The following HMGA2 variants were observed in gnomAD, a reference collection of about 807,000 sequenced individuals.
The protein encoded by HMGA2 is high mobility group protein HMGI-C.
HMGA2 carries 8 observed loss-of-function variants against 19.1 expected under a neutral mutation model. The ratio of observed to expected loss-of-function variants is 0.42; its 90% confidence interval spans 0.25 to 0.76. The LOEUF (loss-of-function observed/expected upper bound fraction) is 0.76. Ranked by LOEUF, HMGA2 falls within the 30% of genes least tolerant of loss-of-function variation. The pLI is 0.28. For synonymous variants in HMGA2, 60 were observed against 48.8 expected, an observed-to-expected ratio of 1.23 and a Z score of -0.96; for missense variants, 109 against 136.3, an observed-to-expected ratio of 0.80 and a Z score of 1.00.
At chr12:65,898,513 C>T (rs1340664758) in intron 3 of HMGA2, among the ~76,000 whole-genome samples, 1 of 151,892 alleles carries the variant, frequency 6.6e-6, no homozygotes, top group Non-Finnish European at 1.5e-5. Flanking sequence ...TTTTTTTTTC[C>T]CAGTGAAGAA....
At position 65,942,551 on chromosome 12, in the gene HMGA2, G is replaced by T. The variant is rs1283221585; in HGVS notation, c.250-8832G>T. ...AATTTTCACTCCACTTTTTGACTAAGGGTGGATTTTTCCCCTAAAATCTTA... is the reference window on the plus strand; with the variant it reads ...AATTTTCACTCCACTTTTTGACTAATGGTGGATTTTTCCCCTAAAATCTTA... On this transcript the variant is annotated intron_variant, in intron 3 of 4. Transcript: ENST00000403681. 2 of 152,030 alleles carry T rather than the reference G, an allele frequency of 1.3e-5. 1 individual carries two copies. Among genetic ancestry groups the T allele is most frequent in the African/African-American group, 4.8e-5 (2 of 41,398 alleles). The allele number at this position is 152,030 out of a possible 1,614,324, so 9.4% of individuals were successfully genotyped here. A position where few individuals can be genotyped will look rare whatever the true frequency, so the allele number is the denominator to read the frequency against.
chr12:65,915,118 A>C (rs1288391000), intron 3 of HMGA2: 2 of 1,613,768 alleles, frequency 1.2e-6, no homozygotes, highest in South Asian at 2.2e-5. Flanking sequence ...ACAGTACCAA[A>C]AGGAGTCACT....
intron 3 of HMGA2, chr12:65,867,633 G>C: frequency 3.0e-6 from 1 of 332,604 alleles, no homozygotes. Context: ...TAAAAGTGGA[G>C]GATATGAGTC....
At chr12:65,842,854 G>A in intron 3 of HMGA2, 1 of 1,316,458 alleles carries the variant, frequency 7.6e-7, no homozygotes, top group Non-Finnish European at 9.7e-7. Context: ...AAAGTATTTG[G>A]AGAAAGTTTT....
At position 65,825,501 on chromosome 12, in the gene HMGA2, C is replaced by T. The variant is rs1244130958; in HGVS notation, c.111+120C>T. 2.5e-5 allele frequency: 13 copies of T among 519,852 alleles called. No individual in the cohort carries two copies. In the East Asian group the frequency reaches 5.6e-4, roughly 22 times the overall value. 32.2% of individuals were successfully genotyped at this position (519,852 alleles called of 1,614,324 possible). A position where few individuals can be genotyped will look rare whatever the true frequency, so the allele number is the denominator to read the frequency against. ...CGCCGCGGCCGTCGCACACTGCCCG[C>T]CGGCCGGCCGGGGGGAGCGGCGCAG... On this transcript the variant is annotated intron_variant, in intron 1 of 4. Transcript: ENST00000403681. This position sits in a 1 kb window ranked among gnomAD's most constrained non-coding sequence, Gnocchi z 4.4.
At chr12:65,849,810 C>T (rs924220160) in intron 3 of HMGA2, among the ~76,000 whole-genome samples, 3 of 137,230 alleles carry the variant, frequency 2.2e-5, no homozygotes, top group Non-Finnish European at 4.4e-5. Flanking sequence ...CCTCCGCCTC[C>T]CGGGTTCAGG....
At chr12:65,877,467 A>G (rs538452084) in intron 3 of HMGA2, among the ~76,000 whole-genome samples, 1 of 152,260 alleles carries the variant, frequency 6.6e-6, no homozygotes, top group African/African-American at 2.4e-5. Context: ...GGAGATTCCA[A>G]TGGGAGGTAA....
chr12:65,877,758 G>A (rs1233555433), intron 3 of HMGA2, among the ~76,000 whole-genome samples: 1 of 151,772 alleles, frequency 6.6e-6, no homozygotes, highest in Non-Finnish European at 1.5e-5. Context: ...CGTCAATGGA[G>A]CAATGGATGA....
At chr12:65,898,232 G>A (rs189774848) in intron 3 of HMGA2, among the ~76,000 whole-genome samples, 175 of 152,228 alleles carry the variant, frequency 1.1e-3, no homozygotes, top group Non-Finnish European at 2.2e-3. Context: ...GCTGTAAGTC[G>A]GATGGGAAAA....
intron 2 of HMGA2, among the ~76,000 whole-genome samples, 156 bp from the exon 3 acceptor site, chr12:65,838,363 C>T: frequency 1.3e-5 from 2 of 149,100 alleles, no homozygotes; most frequent in East Asian, 1.9e-4. Context: ...AAAGATTAAC[C>T]TTAGAGGAGA....
At chr12:65,881,638 G>T in intron 3 of HMGA2, 1 of 663,436 alleles carries the variant, frequency 1.5e-6, no homozygotes, top group Non-Finnish European at 2.7e-6. Flanking sequence ...GAGGGAGGGA[G>T]GGAGGGAGGG....
chr12:65,847,359 G>GA (rs1275162979), intron 3 of HMGA2, among the ~76,000 whole-genome samples: 1 of 152,114 alleles, frequency 6.6e-6, no homozygotes, highest in African/African-American at 2.4e-5. Context: ...AACATATGGT[G>GA]ACCTTATTTT....
intron 2 of HMGA2, chr12:65,828,975 G>GT (rs551214830): frequency 1.3e-5 from 2 of 152,250 alleles, no homozygotes; most frequent in South Asian, 4.1e-4. Context: ...GGAAAAAAAA[G>GT]TTTCTGCGTT....
chr12:65,934,034 T>C (rs958817433), intron 3 of HMGA2, among the ~76,000 whole-genome samples: 1 of 152,224 alleles, frequency 6.6e-6, no homozygotes, highest in South Asian at 2.1e-4. Flanking sequence ...TGCCTCAGCT[T>C]GCAGTAGCAG....
intron 3 of HMGA2, among the ~76,000 whole-genome samples, chr12:65,866,010 G>A (rs926180534): frequency 1.3e-5 from 2 of 152,140 alleles, no homozygotes; most frequent in Non-Finnish European, 2.9e-5. Flanking sequence ...ATCAGAATTT[G>A]TGAACTCTGG....
chr12:65,922,569 G>A lies in HMGA2; in HGVS notation c.250-28814G>A, dbSNP rs1214421415. ...ATTTTACAGGCTCATACACAGAAGG[G>A]ACTTGCCTTGTCTCAGATTAGACTT... On this transcript the variant is annotated intron_variant, in intron 3 of 4. Transcript: ENST00000403681. 2.6e-5 allele frequency among the ~76,000 whole-genome samples: 4 copies of A among 152,188 alleles called. No homozygotes were observed. In the East Asian group the frequency reaches 7.7e-4, roughly 29 times the overall value.
At chr12:65,849,204 T>C (rs1465484227) in intron 3 of HMGA2, among the ~76,000 whole-genome samples, 1 of 152,220 alleles carries the variant, frequency 6.6e-6, no homozygotes, top group Non-Finnish European at 1.5e-5. Context: ...TTTTCTTTCC[T>C]GCCATTATTC....
In HMGA2 at chr12:65,828,066, T is replaced by C. The variant is rs1416276943; in HGVS notation, c.177T>C (p.Ser59=). 2 of 1,612,726 alleles carry C rather than the reference T, an allele frequency of 1.2e-6. No individual in the cohort carries two copies. The highest frequency in any genetic ancestry group is 1.7e-6 in the Non-Finnish European group (2 of 1,179,396). The change falls in exon 2 of 5, where the codon AGT becomes AGC. Residue 59 remains serine (S), a synonymous_variant. Coordinates refer to ENST00000403681, the MANE Select transcript of HMGA2 (RefSeq NM_003483.6). ...GACCCAAAGGCAGCAAAAACAAGAG[T>C]CCCTCTAAAGCAGCTCAAAAGGTGA... The part of the protein sequence containing the change: ...RGRPKGSKNK[S]PSKAAQKKAE...
At position 65,835,042 on chromosome 12, in the gene HMGA2, G is replaced by A. The variant is rs1284171372; in HGVS notation, c.199-3477G>A. Among the ~76,000 whole-genome samples the A allele has an allele frequency of 5.9e-5, 9 of 152,156 alleles. No homozygotes were observed. The East Asian group carries it at 7.7e-4, about 13-fold the overall frequency. ...TTCAGTTCTTACCAATGAGAATTCC[G>A]ACCATATCTCCCTTTTCTCTCTTGA... is the stretch of plus-strand genomic sequence containing the variant. On this transcript the variant is annotated intron_variant, in intron 2 of 4. Transcript: ENST00000403681.
Sources: gnomAD v4.1 joint callset for allele counts (sites outside exome capture counted in the v4.1 genomes callset) on GRCh38, gnomAD v4.1.1 for gene constraint, Gnocchi (gnomAD v3.1) non-coding constraint, MANE v1.5 for transcripts, NCBI Gene and HGNC (gene_info 2026-07-23, HGNC 2026-07-21) for gene names.